SDR16C5: variants seen among roughly 807,000 people sequenced by gnomAD.
SDR16C5 encodes the protein epidermal retinol dehydrogenase 2.
A neutral mutation model predicts 27.7 loss-of-function variants in SDR16C5; 20 were observed. The observed-to-expected ratio is 0.72, with a 90% CI of 0.51 to 1.05. The LOEUF is 1.05. SDR16C5 is among the 50% of genes least tolerant of loss of function. The probability of loss-of-function intolerance (pLI) is 0.00; values close to 1 mark genes in which losing one functional copy is unlikely to be tolerated. For missense variants in SDR16C5, 374 were observed against 366.3 expected (o/e 1.02, Z -0.17); for synonymous variants, 139 against 132.3 (o/e 1.05, Z -0.35).
chr8:56,305,449 G>A (rs1814856827), intron 6 of SDR16C5, 148 bp downstream of exon 6: 1 of 656,496 alleles, frequency 1.5e-6, no homozygotes, highest in Admixed American at 3.9e-5. Flanking sequence ...GTCAGCAATG[G>A]GCACAATGAT....
intron 5 of SDR16C5, 21 bp downstream of exon 5, chr8:56,306,655 G>C: frequency 6.4e-7 from 1 of 1,550,786 alleles, no homozygotes. Context: ...TAGATTCTTT[G>C]AAATTAAAGG....
At chr8:56,306,644 G>A (rs971229232) in intron 5 of SDR16C5, 32 bp downstream of exon 5, 2 of 1,544,498 alleles carry the variant, frequency 1.3e-6, no homozygotes, top group African/African-American at 1.4e-5. Flanking sequence ...TTTTAAGAGT[G>A]TAGATTCTTT....
intron 6 of SDR16C5, among the ~76,000 whole-genome samples, chr8:56,304,583 A>C (rs1411346941): frequency 6.6e-6 from 1 of 151,916 alleles, no homozygotes; most frequent in Non-Finnish European, 1.5e-5. Context: ...TTATTGCCCA[A>C]GTTGGAGGGC....
At chr8:56,318,670 C>T (rs1172433632) in intron 1 of SDR16C5, among the ~76,000 whole-genome samples, 1 of 152,188 alleles carries the variant, frequency 6.6e-6, no homozygotes, top group Non-Finnish European at 1.5e-5. Context: ...CAACATTGAC[C>T]TGGGTGACAT....
intron 6 of SDR16C5, chr8:56,304,133 G>A (rs1426683805): frequency 1.4e-6 from 1 of 695,760 alleles, no homozygotes; most frequent in Non-Finnish European, 2.6e-6. Context: ...ATTGCACAAA[G>A]TAGATATAAT....
chr8:56,301,609 C>A (rs1271364251), intron 6 of SDR16C5, 36 bp from the exon 7 acceptor site: 3 of 1,488,662 alleles, frequency 2.0e-6, no homozygotes, highest in Non-Finnish European at 2.8e-6. Flanking sequence ...TCTTTATTAT[C>A]ATTCATGAAA....
In SDR16C5 at chr8:56,306,710, T is replaced by C. The variant is rs1554550917; in HGVS notation, c.676A>G (p.Ile226Val). The change falls in exon 5 of 7, where the codon ATA becomes GTA. Residue 226 changes from isoleucine (I) to valine (V), a missense_variant. Transcript: ENST00000303749. ...CAACCTTCAAACATTCCAGTTTTTA[T>C]AAAAAAGGGGCACACAATCGTGGTT... is the stretch of plus-strand genomic sequence containing the variant. ...IKTTIVCPFF[I>V]KTGMFEGCTT... The C allele has an allele frequency of 1.8e-5, 29 of 1,613,638 alleles. No homozygotes were observed. The highest frequency in any genetic ancestry group is 5.0e-5 in the Admixed American group (3 of 59,946).
chr8:56,313,866 T>C (rs1815114388), intron 2 of SDR16C5, among the ~76,000 whole-genome samples: 1 of 152,120 alleles, frequency 6.6e-6, no homozygotes, highest in African/African-American at 2.4e-5. Flanking sequence ...GTCATATCAC[T>C]CTGAAAGCTT....
intron 1 of SDR16C5, among the ~76,000 whole-genome samples, chr8:56,319,659 A>C (rs1426187154): frequency 6.6e-6 from 1 of 152,134 alleles, no homozygotes; most frequent in Non-Finnish European, 1.5e-5. Context: ...GCTTGGGTTG[A>C]AAGGGGTGAT....
chr8:56,316,245 G>T lies in SDR16C5; in HGVS notation c.103C>A (p.Arg35=). ...ACTATTTCACCAGCAACGTTCTTCC[G>T]TGGCTTTGGGAGTAAGGCAAAAATC... ...AMIFALLPKP[R]KNVAGEIVLI... Residue 35 remains arginine, a synonymous_variant, in exon 2 of 7, where the codon CGG becomes AGG. Transcript: ENST00000303749. 1.2e-6 allele frequency: 2 copies of T among 1,613,942 alleles called. No individual in the cohort carries two copies. The highest frequency in any genetic ancestry group is 2.2e-5 in the South Asian group (2 of 91,082).
At chr8:56,313,672 A>C (rs1011725209) in intron 2 of SDR16C5, among the ~76,000 whole-genome samples, 5 of 152,220 alleles carry the variant, frequency 3.3e-5, no homozygotes, top group Non-Finnish European at 7.3e-5. Flanking sequence ...CCAAAATGTC[A>C]TTATATGGTG....
rs1347658286 is a variant in SDR16C5, at chr8:56,316,208, C to T, written c.140G>A (p.Gly47Asp). 4 of 1,613,998 alleles carry T rather than the reference C, an allele frequency of 2.5e-6. No individual in the cohort carries two copies. The highest frequency in any genetic ancestry group is 2.2e-5 in the South Asian group (2 of 91,084). ...GAGCCTTCCGAGTCCACTTCCAGCA[C>T]CTGTGATGAGGACTATTTCACCAGC... ...NVAGEIVLIT[G>D]AGSGLGRLLA... is the part of the protein sequence containing the mutation. Residue 47 changes from glycine to aspartate, a missense_variant, in exon 2 of 7, where the codon GGT (glycine) becomes GAT (aspartate). By Grantham distance (94) the Gly-to-Asp change is moderately conservative. Transcript: ENST00000303749.
intron 3 of SDR16C5, chr8:56,309,360 A>T (rs1814967013): frequency 2.0e-6 from 2 of 985,176 alleles, no homozygotes. Flanking sequence ...CCTCACAAAC[A>T]TGATGCTTTA....
intron 3 of SDR16C5, among the ~76,000 whole-genome samples, chr8:56,311,789 T>C (rs575687208): frequency 6.6e-6 from 1 of 152,342 alleles, no homozygotes; most frequent in East Asian, 1.9e-4. Flanking sequence ...CCTGGTCCTG[T>C]CTAAGTGCAG....
At chr8:56,314,646 G>A (rs564895730) in intron 2 of SDR16C5, among the ~76,000 whole-genome samples, 3 of 152,294 alleles carry the variant, frequency 2.0e-5, no homozygotes, top group East Asian at 3.9e-4. Context: ...GCGTAGGCCC[G>A]AGCAAATTTG....
intron 6 of SDR16C5, among the ~76,000 whole-genome samples, chr8:56,305,117 T>A (rs1814848796): frequency 6.6e-6 from 1 of 152,194 alleles, no homozygotes; most frequent in Non-Finnish European, 1.5e-5. Flanking sequence ...TTCCCTCAAA[T>A]TCTTTAACCA....
At chr8:56,307,559 C>T (rs1030324252) in intron 4 of SDR16C5, among the ~76,000 whole-genome samples, 5 of 152,354 alleles carry the variant, frequency 3.3e-5, no homozygotes, top group Admixed American at 6.5e-5. Context: ...TGCTATGTTA[C>T]GGTGCAGCTA....
At position 56,308,938 on chromosome 8, in the gene SDR16C5, A is replaced by G. The variant is rs1250639320; in HGVS notation, c.555T>C (p.Asn185=). ...CTATGTTTTTCTTACCTGCCAGCCC[A>G]TTTACTCCACTTAATCCAGCTGAAC... ...ISSSAGLSGV[N]GLADYCASKF... is the part of the protein sequence containing the mutation. Residue 185 remains asparagine, a synonymous_variant, in exon 4 of 7, where the codon AAT becomes AAC. Transcript: ENST00000303749. 4 of 1,609,732 alleles carry G rather than the reference A, an allele frequency of 2.5e-6. No individual in the cohort carries two copies. The highest frequency in any genetic ancestry group is 3.4e-6 in the Non-Finnish European group (4 of 1,178,456).
intron 4 of SDR16C5, among the ~76,000 whole-genome samples, chr8:56,307,839 G>A (rs764564500): frequency 2.0e-5 from 3 of 152,156 alleles, no homozygotes; most frequent in Non-Finnish European, 4.4e-5. Flanking sequence ...AGACTCACAC[G>A]GTGGGAAATA....
Sources: gnomAD v4.1 joint callset for allele counts (sites outside exome capture counted in the v4.1 genomes callset) on GRCh38, gnomAD v4.1.1 for gene constraint, MANE v1.5 for transcripts, NCBI Gene and HGNC (gene_info 2026-07-23, HGNC 2026-07-21) for gene names.